MTCL2: variants seen among roughly 807,000 people sequenced by gnomAD.
The protein encoded by MTCL2 is microtubule cross-linking factor 2.
At chr20:36,839,354 G>C in the MTCL2 span, 1 of 1,613,004 alleles carries the variant, frequency 6.2e-7, no homozygotes, top group Non-Finnish European at 8.5e-7. This position sits in a 1 kb window ranked among gnomAD's most constrained non-coding sequence, Gnocchi z 5.1. Context: ...TCCAGCTGCT[G>C]TCGCAGCTCC....
At chr20:36,858,072 T>C in the MTCL2 span, among the ~76,000 whole-genome samples, 1 of 152,036 alleles carries the variant, frequency 6.6e-6, no homozygotes, top group Non-Finnish European at 1.5e-5. Flanking sequence ...ACCAAATGTG[T>C]CTCAGCCTAG....
At chr20:36,780,518 T>G in the MTCL2 span, 1 of 152,240 alleles carries the variant, frequency 6.6e-6, no homozygotes, top group Non-Finnish European at 1.5e-5. Flanking sequence ...TTGCTATTCA[T>G]GAAGACTAGT....
the MTCL2 span, chr20:36,778,964 G>A: frequency 6.6e-6 from 1 of 152,310 alleles, no homozygotes; most frequent in Non-Finnish European, 1.5e-5. Context: ...GATGTTTAGA[G>A]AAAACCAAAG....
the MTCL2 span, among the ~76,000 whole-genome samples, chr20:36,822,382 G>GA: frequency 6.6e-6 from 1 of 152,278 alleles, no homozygotes; most frequent in Non-Finnish European, 1.5e-5. Context: ...CAGCCCTGAG[G>GA]ACAAACTCTG....
At chr20:36,829,259 C>G in the MTCL2 span, 1 of 1,534,718 alleles carries the variant, frequency 6.5e-7, no homozygotes, top group South Asian at 1.2e-5. Context: ...CTGAGGAGAG[C>G]CCCCACTGCA....
the MTCL2 span, chr20:36,863,099 G>A: frequency 7.1e-7 from 1 of 1,399,770 alleles, no homozygotes; most frequent in South Asian, 1.4e-5. This position sits in a 1 kb window ranked among gnomAD's most constrained non-coding sequence, Gnocchi z 6.2. Context: ...CACCCGCACC[G>A]CGCGCCCCGG....
At chr20:36,802,967 C>T in the MTCL2 span, 1 of 1,585,868 alleles carries the variant, frequency 6.3e-7, no homozygotes, top group South Asian at 1.1e-5. Context: ...GCTCACTGAT[C>T]TGCAGCTGCC....
At chr20:36,827,856 C>T in the MTCL2 span, among the ~76,000 whole-genome samples, 4 of 152,122 alleles carry the variant, frequency 2.6e-5, no homozygotes, top group Admixed American at 6.5e-5. Context: ...AGCAGCAAGA[C>T]GGTGTGAAGA....
At chr20:36,838,860 TG>T in the MTCL2 span, among the ~76,000 whole-genome samples, 4 of 151,732 alleles carry the variant, frequency 2.6e-5, no homozygotes, top group African/African-American at 9.7e-5. Flanking sequence ...CCCAGCTACT[TG>T]GGAGGCTGAG....
the MTCL2 span, among the ~76,000 whole-genome samples, chr20:36,791,137 C>T: frequency 2.6e-5 from 4 of 151,952 alleles, no homozygotes; most frequent in Non-Finnish European, 4.4e-5. Flanking sequence ...TGGGTTCACG[C>T]GATTCTCCTG....
At chr20:36,833,556 G>C in the MTCL2 span, among the ~76,000 whole-genome samples, 5 of 152,258 alleles carry the variant, frequency 3.3e-5, no homozygotes, top group Non-Finnish European at 5.9e-5. Context: ...TCTCACGAAA[G>C]AGCAGCTCCT....
the MTCL2 span, chr20:36,785,412 A>G: frequency 2.0e-6 from 2 of 984,788 alleles, no homozygotes; most frequent in African/African-American, 1.7e-5. Flanking sequence ...TTATAGTAGG[A>G]AAAATTCAAA....
chr20:36,809,920 T>C, the MTCL2 span: 2 of 1,547,852 alleles, frequency 1.3e-6, no homozygotes, highest in Non-Finnish European at 1.7e-6. Flanking sequence ...CCTCAAGGCC[T>C]CTGCTTCCAG....
At chr20:36,786,652 G>A in the MTCL2 span, 3 of 1,543,566 alleles carry the variant, frequency 1.9e-6, no homozygotes, top group South Asian at 1.2e-5. Context: ...GAAGAGGGAG[G>A]CAGGGAGGCA....
chr20:36,805,850 C>T, the MTCL2 span: 3 of 1,605,124 alleles, frequency 1.9e-6, no homozygotes, highest in South Asian at 3.4e-5. Context: ...GCTGGAAACA[C>T]ACCGTGTTCT....
At chr20:36,831,154 G>A in the MTCL2 span, among the ~76,000 whole-genome samples, 108 of 152,324 alleles carry the variant, frequency 7.1e-4, no homozygotes, top group Admixed American at 2.2e-3. Context: ...AGGCCCTTCT[G>A]GGCTGGGAAA....
At chr20:36,815,443 T>C in the MTCL2 span, 9 of 1,610,592 alleles carry the variant, frequency 5.6e-6, no homozygotes, top group Non-Finnish European at 7.6e-6. The surrounding 1 kb of genome is among the most constrained non-coding windows in gnomAD (Gnocchi z 5.3). Flanking sequence ...AGGACATCGA[T>C]GGCCTTACTG....
the MTCL2 span, among the ~76,000 whole-genome samples, chr20:36,839,823 C>T: frequency 6.6e-6 from 1 of 152,100 alleles, no homozygotes; most frequent in Non-Finnish European, 1.5e-5. This position sits in a 1 kb window ranked among gnomAD's most constrained non-coding sequence, Gnocchi z 5.1. Context: ...GATTTCTAGA[C>T]CTTTGACCTC....
chr20:36,808,401 C>CTGA, the MTCL2 span: 1 of 816,654 alleles, frequency 1.2e-6, no homozygotes, highest in Admixed American at 2.8e-5. Flanking sequence ...AGCCTGCATG[C>CTGA]TGATGGCAGG....
Sources: gnomAD v4.1 joint callset for allele counts (sites outside exome capture counted in the v4.1 genomes callset) on GRCh38, gnomAD v4.1.1 for gene constraint, Gnocchi (gnomAD v3.1) non-coding constraint, MANE v1.5 for transcripts, NCBI Gene and HGNC (gene_info 2026-07-23, HGNC 2026-07-21) for gene names.